Variants in RUFY3 observed in about 807,000 individuals in gnomAD.
The protein encoded by RUFY3 is RUN and FYVE domain containing 3.
Under a neutral mutation model 84.0 loss-of-function variants are expected in RUFY3, and 34 were observed. The observed-to-expected ratio is 0.40, with a 90% CI of 0.31 to 0.54. RUFY3 has a LOEUF of 0.54. Among genes scored for constraint, RUFY3 ranks in the 20% least tolerant of loss-of-function variants. RUFY3 has a pLI of 0.39. For missense variants in RUFY3, 507 were observed against 736.8 expected, an observed-to-expected ratio of 0.69 and a Z score of 3.61; for synonymous variants, 242 against 252.9, an observed-to-expected ratio of 0.96 and a Z score of 0.41.
intron 10 of RUFY3, among the ~76,000 whole-genome samples, chr4:70,787,984 T>C (rs1730177265): frequency 6.6e-6 from 1 of 152,080 alleles, no homozygotes; most frequent in African/African-American, 2.4e-5. Context: ...TCATGTTAAG[T>C]GAACTAAAAA....
chr4:70,802,921 C>A (rs1306874620), intron 15 of RUFY3, 35 bp from the exon 16 acceptor site: 1 of 1,524,838 alleles, frequency 6.6e-7, no homozygotes. Context: ...ACATGAAGTT[C>A]CTATTTGTCA....
At chr4:70,767,556 A>T (rs1036414152) in intron 4 of RUFY3, among the ~76,000 whole-genome samples, 4 of 151,970 alleles carry the variant, frequency 2.6e-5, no homozygotes, top group African/African-American at 9.7e-5. Flanking sequence ...TAAGTTTTTA[A>T]CTCAGTTGGG....
intron 1 of RUFY3, among the ~76,000 whole-genome samples, chr4:70,761,390 G>A (rs1042389092): frequency 6.6e-6 from 1 of 152,160 alleles, no homozygotes; most frequent in Admixed American, 6.5e-5. Flanking sequence ...CTGGCCTCTG[G>A]CTCTGTCATT....
intron 5 of RUFY3, among the ~76,000 whole-genome samples, chr4:70,770,325 A>G (rs1035851853): frequency 6.6e-6 from 1 of 152,228 alleles, no homozygotes; most frequent in African/African-American, 2.4e-5. Context: ...CCTAGATGGC[A>G]TTGTCTAATA....
intron 8 of RUFY3, among the ~76,000 whole-genome samples, chr4:70,781,718 C>T (rs978208386): frequency 6.6e-6 from 1 of 152,274 alleles, no homozygotes; most frequent in Admixed American, 6.5e-5. Context: ...AGGCCTGCCC[C>T]CAGAAAGCAT....
At chr4:70,715,913 A>T (rs930630134) in intron 1 of RUFY3, among the ~76,000 whole-genome samples, 4 of 152,136 alleles carry the variant, frequency 2.6e-5, no homozygotes, top group African/African-American at 9.6e-5. Flanking sequence ...GGAGATCAAG[A>T]CCATCCTGGC....
At chr4:70,759,372 ATGTGTGTGTGTGTGTG>A (rs56698934) in intron 1 of RUFY3, among the ~76,000 whole-genome samples, 1 of 146,904 alleles carries the variant, frequency 6.8e-6, no homozygotes. Context: ...GTGTGTGTGT[ATGTGTGTGTGTGTGTG>A]TGTGTGTGTG....
intron 17 of RUFY3, among the ~76,000 whole-genome samples, chr4:70,805,981 A>T (rs972703432): frequency 6.6e-6 from 1 of 152,244 alleles, no homozygotes; most frequent in Non-Finnish European, 1.5e-5. Context: ...TAATTTCCCT[A>T]TGAACAAGAT....
chr4:70,739,320 A>G (rs911120432), intron 1 of RUFY3, among the ~76,000 whole-genome samples: 9 of 152,154 alleles, frequency 5.9e-5, no homozygotes, highest in Admixed American at 3.3e-4. Context: ...TGGCTTTTTA[A>G]AATTCCATTC....
In RUFY3 at chr4:70,781,682, A is replaced by G. The variant is rs139493817; in HGVS notation, c.895-1409A>G. On this transcript the variant is annotated intron_variant, in intron 8 of 17. Transcript: ENST00000381006. Reference sequence around the variant, plus strand: ...GGTTTCGTGCACATTTTTAGGCCACAGGATCTGAGAGAGAATTGGACTTCC... The same window carrying G: ...GGTTTCGTGCACATTTTTAGGCCACGGGATCTGAGAGAGAATTGGACTTCC... Among the ~76,000 whole-genome samples, 931 of 152,334 alleles carry G rather than the reference A, an allele frequency of 6.1e-3. 5 individuals carry two copies. Among genetic ancestry groups the G allele is most frequent in the Non-Finnish European group, 0.011 (736 of 68,026 alleles).
intron 12 of RUFY3, chr4:70,791,912 A>G (rs1270113780): frequency 1.0e-6 from 1 of 985,482 alleles, no homozygotes; most frequent in Non-Finnish European, 1.2e-6. Flanking sequence ...TGACTTTTGA[A>G]AAAAAAAGAA....
At chr4:70,723,630 C>T (rs1020608821) in intron 1 of RUFY3, among the ~76,000 whole-genome samples, 2 of 152,026 alleles carry the variant, frequency 1.3e-5, no homozygotes, top group African/African-American at 2.4e-5. Flanking sequence ...AGCTACAAAT[C>T]GTTTTGTTTT....
upstream of RUFY3, chr4:70,703,902 T>C (rs756630036): frequency 6.6e-6 from 1 of 152,244 alleles, no homozygotes; most frequent in East Asian, 1.9e-4. Context: ...CAACATGGCT[T>C]CTATGCCAGC....
At chr4:70,788,256 G>A (rs1730232820) in intron 10 of RUFY3, among the ~76,000 whole-genome samples, 1 of 150,402 alleles carries the variant, frequency 6.6e-6, no homozygotes, top group South Asian at 2.1e-4. Flanking sequence ...CTGCACTCCA[G>A]CCTGAGCGAC....
chr4:70,793,918 A>G lies in RUFY3; in HGVS notation c.1457+14A>G. 1 of 1,613,016 alleles carries G rather than the reference A, an allele frequency of 6.2e-7. No homozygotes were observed. Among genetic ancestry groups the G allele is most frequent in the Non-Finnish European group, 8.5e-7 (1 of 1,179,400 alleles). ...CACCAGGCAGCGGTGAAGAGGGGGT[A>G]GCTTGAGCTGACAGGGTGGTCATGG... is the stretch of plus-strand genomic sequence containing the variant. On this transcript the variant is annotated intron_variant, in intron 13 of 17. Coordinates refer to ENST00000381006, the MANE Select transcript of RUFY3 (RefSeq NM_001037442.4).
At chr4:70,736,166 AAAAG>A (rs1720255475) in intron 1 of RUFY3, among the ~76,000 whole-genome samples, 1 of 151,846 alleles carries the variant, frequency 6.6e-6, no homozygotes, top group Non-Finnish European at 1.5e-5. Context: ...AAAAAAAAAA[AAAAG>A]AAAAGAAAAG....
intron 1 of RUFY3, among the ~76,000 whole-genome samples, chr4:70,723,732 A>G (rs1339972662): frequency 6.6e-6 from 1 of 152,250 alleles, no homozygotes; most frequent in Non-Finnish European, 1.5e-5. Context: ...GAAATTCTTT[A>G]TAAACATCTG....
Position 70,768,066 on chromosome 4 carries a change from C to A in RUFY3, c.573-472C>A, listed in dbSNP as rs148309841. On this transcript the variant is annotated intron_variant, in intron 4 of 17. Transcript: ENST00000381006. ...CTCACTCTGGTCTCAAAGTCCTGGG[C>A]TCAAGCAGTCCTCCCGCCTTGGTCT... 2.2e-4 allele frequency among the ~76,000 whole-genome samples: 34 copies of A among 152,208 alleles called. No individual in the cohort carries two copies. In the East Asian group the frequency reaches 6.2e-3, roughly 28 times the overall value.
At chr4:70,745,966 G>A (rs1722139002) in intron 1 of RUFY3, among the ~76,000 whole-genome samples, 1 of 151,914 alleles carries the variant, frequency 6.6e-6, no homozygotes, top group Admixed American at 6.6e-5. Flanking sequence ...CTTGAAACTG[G>A]GAGGCAGAGG....
Sources: gnomAD v4.1 joint callset for allele counts (sites outside exome capture counted in the v4.1 genomes callset) on GRCh38, gnomAD v4.1.1 for gene constraint, MANE v1.5 for transcripts, NCBI Gene and HGNC (gene_info 2026-07-23, HGNC 2026-07-21) for gene names.